Variants in PLXNA1 observed in about 807,000 individuals in gnomAD.
The protein encoded by PLXNA1 is plexin A1, also known as plexin-A1.
PLXNA1 carries 77 observed loss-of-function variants against 191.7 expected under a neutral mutation model. That is an observed-to-expected ratio of 0.40 (90% confidence interval 0.33 to 0.49). The LOEUF is 0.49. PLXNA1 is among the 20% of genes least tolerant of loss of function. The pLI is 0.63. For synonymous variants in PLXNA1, 1,137 were observed against 1,156.4 expected, an observed-to-expected ratio of 0.98 and a Z score of 0.34; for missense variants, 2,110 against 2,660.2, an observed-to-expected ratio of 0.79 and a Z score of 4.55.
intron 19 of PLXNA1, 105 bp downstream of exon 19, chr3:127,017,997 C>A: frequency 6.8e-7 from 1 of 1,472,130 alleles, no homozygotes. Context: ...AGACTCACCC[C>A]TAGCTCAGAG....
rs368450040 is a variant in PLXNA1, at chr3:127,033,999, G to T, written c.5673G>T (p.Thr1891=). ...LRSKLEQVVD[T]MALSS is the part of the protein sequence containing the mutation. ...GCAAGCTGGAGCAGGTGGTGGACACGATGGCCCTGAGCAGCTGAGCCCCAG... is the reference window on the plus strand; with the variant it reads ...GCAAGCTGGAGCAGGTGGTGGACACTATGGCCCTGAGCAGCTGAGCCCCAG... Residue 1891 remains threonine (T), a synonymous_variant, in exon 32 of 32, where the codon ACG becomes ACT. Transcript: ENST00000393409. 1.4e-5 allele frequency: 22 copies of T among 1,602,312 alleles called. No homozygotes were observed. The highest frequency in any genetic ancestry group is 2.2e-5 in the East Asian group (1 of 44,460).
In PLXNA1 at chr3:127,004,879, C is replaced by G; in HGVS notation, c.1620-6C>G. 1 of 1,586,060 alleles carries G rather than the reference C, an allele frequency of 6.3e-7. No individual in the cohort carries two copies. The highest frequency in any genetic ancestry group is 8.6e-7 in the Non-Finnish European group (1 of 1,164,024). On this transcript the variant is annotated splice_region_variant and splice_polypyrimidine_tract_variant and intron_variant, in intron 5 of 31. Coordinates refer to ENST00000393409, the MANE Select transcript of PLXNA1 (RefSeq NM_032242.4). ...ATCCGCCCAGCCTCAACCCCTCTGC[C>G]TGCAGCTGCTCGCGGCGGGACGCCT...
In PLXNA1 at chr3:127,014,255, C is replaced by T. The variant is rs747917966; in HGVS notation, c.2484C>T (p.Cys828=). The T allele has an allele frequency of 2.8e-5, 44 of 1,599,916 alleles. No homozygotes were observed. Among genetic ancestry groups the T allele is most frequent in the Middle Eastern group, 1.6e-4 (1 of 6,066 alleles). The stretch of plus-strand genomic sequence containing the variant: ...TCAAGGCCGACCCGCGCTTCGAGTG[C>T]GGATGGTGCGTGGCCGAGCGCCGCT... ...LCLKADPRFE[C]GWCVAERRCS... The change falls in exon 12 of 32, where the codon TGC becomes TGT. Residue 828 remains cysteine (C), a synonymous_variant. Coordinates refer to ENST00000393409, the MANE Select transcript of PLXNA1 (RefSeq NM_032242.4).
intron 17 of PLXNA1, 44 bp from the exon 18 acceptor site, chr3:127,017,381 C>G: frequency 6.3e-7 from 1 of 1,592,088 alleles, no homozygotes; most frequent in Non-Finnish European, 8.6e-7. Flanking sequence ...GCTGCCGGGC[C>G]ACTCGCGGAG....
chr3:127,022,275 A>T lies in PLXNA1; in HGVS notation c.4229A>T (p.Gln1410Leu). 2.5e-6 allele frequency: 4 copies of T among 1,613,506 alleles called. No homozygotes were observed. Among genetic ancestry groups the T allele is most frequent in the Non-Finnish European group, 3.4e-6 (4 of 1,179,916 alleles). ...GAATACGCCACAGGCGTGCTCAAGC[A>T]GCTGCTTTCCGACCTCATCGAGAAG... The part of the protein sequence containing the change: ...EMEYATGVLK[Q>L]LLSDLIEKNL... The change falls in exon 22 of 32, where the codon CAG becomes CTG. Residue 1410 changes from glutamine (Q) to leucine (L), a missense_variant. Around this residue, in one of 4 missense-constraint regions of PLXNA1, gnomAD observed 559 missense variants for 911.5 expected, o/e 0.61. Coordinates refer to ENST00000393409, the MANE Select transcript of PLXNA1 (RefSeq NM_032242.4).
chr3:127,030,731 A>G (rs1209628228), intron 29 of PLXNA1, among the ~76,000 whole-genome samples: 1 of 152,236 alleles, frequency 6.6e-6, no homozygotes, highest in East Asian at 1.9e-4. Flanking sequence ...AACAGGGCAC[A>G]GTGGACCAGC....
In PLXNA1 at chr3:127,036,205, C is replaced by T. The variant is rs892735972; in HGVS notation, c.*2188C>T. 3 of 152,734 alleles carry T rather than the reference C, an allele frequency of 2.0e-5. No individual in the cohort carries two copies. The highest frequency in any genetic ancestry group is 2.0e-4 in the Admixed American group (3 of 15,284). The allele number at this position is 152,734 out of a possible 1,614,324, so 9.5% of individuals were successfully genotyped here. A position where few individuals can be genotyped will look rare whatever the true frequency, so the allele number is the denominator to read the frequency against. Reference sequence around the variant, plus strand: ...CTGGATGCTGGCTTCAGGTTGAAGTCCCTGGTTCTTCCAGTTCCTCACGGG... The same window carrying T: ...CTGGATGCTGGCTTCAGGTTGAAGTTCCTGGTTCTTCCAGTTCCTCACGGG... On this transcript the variant is annotated 3_prime_UTR_variant, in exon 32 of 32. Coordinates refer to ENST00000393409, the MANE Select transcript of PLXNA1 (RefSeq NM_032242.4).
chr3:127,017,985 C>A, intron 19 of PLXNA1, 93 bp downstream of exon 19: 1 of 1,511,448 alleles, frequency 6.6e-7, no homozygotes, highest in East Asian at 2.4e-5. Context: ...TGACCTTGCC[C>A]GAGACTCACC....
intron 3 of PLXNA1, among the ~76,000 whole-genome samples, chr3:127,002,313 C>T (rs1272115018): frequency 6.6e-6 from 1 of 152,220 alleles, no homozygotes; most frequent in African/African-American, 2.4e-5. Context: ...GCCGGCGGCG[C>T]TCAGGAATGC....
chr3:127,018,663 G>A lies in PLXNA1; in HGVS notation c.3895+135G>A, dbSNP rs749226739. 313 of 736,284 alleles carry A rather than the reference G, an allele frequency of 4.3e-4. 1 individual carries two copies. The highest frequency in any genetic ancestry group is 1.0e-4 in the Admixed American group (4 of 39,302). The allele number at this position is 736,284 out of a possible 1,614,324, so 45.6% of individuals were successfully genotyped here. Reference sequence around the variant, plus strand: ...ACAATGTTCCTGATAGCCTTGCTGTGCCAGAGCTGGTCCCAGGGCAGTGGG... The same window carrying A: ...ACAATGTTCCTGATAGCCTTGCTGTACCAGAGCTGGTCCCAGGGCAGTGGG... On this transcript the variant is annotated intron_variant, in intron 20 of 31. Transcript: ENST00000393409.
chr3:127,015,305 C>T lies in PLXNA1; in HGVS notation c.2999C>T (p.Pro1000Leu), dbSNP rs749657923. Reference sequence around the variant, plus strand: ...GTGGCTGTGTCGGTCGGTGGCCGGCCCTGCTCCTTCTCCTGGTACGGGGTG... The same window carrying T: ...GTGGCTGTGTCGGTCGGTGGCCGGCTCTGCTCCTTCTCCTGGTACGGGGTG... ...SDVAVSVGGR[P>L]CSFSWRNSRE... The change falls in exon 15 of 32, where the codon CCC (proline) becomes CTC (leucine). Residue 1000 changes from proline (P) to leucine (L), a missense_variant. By Grantham distance (98) the Pro-to-Leu change is moderately conservative. This residue lies in a region of PLXNA1 where 644 missense variants were observed against 714.3 expected (regional missense o/e 0.90). Transcript: ENST00000393409. 6.2e-7 allele frequency: 1 copy of T among 1,607,834 alleles called. No homozygotes were observed. Among genetic ancestry groups the T allele is most frequent in the South Asian group, 1.1e-5 (1 of 90,872 alleles).
In PLXNA1 at chr3:127,029,442, G is replaced by A. The variant is rs2079194645; in HGVS notation, c.4776G>A (p.Val1592=). The change falls in exon 27 of 32, where the codon GTG becomes GTA. Residue 1592 remains valine, a splice_region_variant and synonymous_variant. Transcript: ENST00000393409. ...GGTCCCTGGCCCTCTGCCCACAGGT[G>A]ACAGACGGGTCCTCGGTGGCACTGG... ...KRLNTLAHYQ[V]TDGSSVALVP... The A allele has an allele frequency of 1.2e-6, 2 of 1,613,754 alleles. No homozygotes were observed. Among genetic ancestry groups the A allele is most frequent in the African/African-American group, 2.7e-5 (2 of 75,036 alleles).
intron 29 of PLXNA1, 66 bp downstream of exon 29, chr3:127,030,478 C>CGAGG: frequency 6.4e-7 from 1 of 1,568,526 alleles, no homozygotes; most frequent in Non-Finnish European, 8.7e-7. Flanking sequence ...CCAGGGCCCT[C>CGAGG]GCCCTGTTCT....
intron 10 of PLXNA1, among the ~76,000 whole-genome samples, 193 bp from the exon 11 acceptor site, chr3:127,013,827 A>G (rs979800659): frequency 7.2e-5 from 11 of 152,160 alleles, no homozygotes; most frequent in African/African-American, 2.4e-4. Context: ...GGCACCTCAT[A>G]TGGTTGCTAG....
In PLXNA1 at chr3:127,005,193, A is replaced by G; in HGVS notation, c.1847A>G (p.His616Arg). 1.9e-6 allele frequency: 3 copies of G among 1,612,054 alleles called. No homozygotes were observed. In the South Asian group the frequency reaches 3.3e-5, roughly 18 times the overall value. ...SESVLEDGRI[H>R]CRSPSAREVA... Reference sequence around the variant, plus strand: ...AGCGTCCTGGAGGATGGCCGGATCCACTGCCGCTCACCCTCCGCCCGGGAG... The same window carrying G: ...AGCGTCCTGGAGGATGGCCGGATCCGCTGCCGCTCACCCTCCGCCCGGGAG... The change falls in exon 7 of 32, where the codon CAC becomes CGC. Residue 616 changes from histidine (H) to arginine (R), a missense_variant. Transcript: ENST00000393409.
chr3:127,032,053 G>A, intron 29 of PLXNA1: 2 of 335,058 alleles, frequency 6.0e-6, no homozygotes, highest in Non-Finnish European at 1.1e-5. Context: ...AGCCATGAGT[G>A]CAAGCCAGCA....
intron 21 of PLXNA1, among the ~76,000 whole-genome samples, chr3:127,020,905 G>A (rs1431560326): frequency 6.6e-6 from 1 of 152,224 alleles, no homozygotes; most frequent in African/African-American, 2.4e-5. Context: ...AGAGAGTAGG[G>A]CTTTGCCCCG....
chr3:127,022,980 C>T (rs2079159294), intron 23 of PLXNA1, among the ~76,000 whole-genome samples, 162 bp downstream of exon 23: 2 of 152,230 alleles, frequency 1.3e-5, no homozygotes, highest in African/African-American at 4.8e-5. Flanking sequence ...CAGCCGCTCT[C>T]AGCTCCTGGC....
intron 21 of PLXNA1, 26 bp from the exon 22 acceptor site, chr3:127,022,059 G>T: frequency 6.2e-7 from 1 of 1,603,526 alleles, no homozygotes; most frequent in South Asian, 1.1e-5. Context: ...GCTTCTCTGT[G>T]GTCTGAGCTC....
Sources: allele counts gnomAD v4.1 joint callset (sites outside exome capture counted in the v4.1 genomes callset), GRCh38; gene constraint gnomAD v4.1.1; regional missense constraint gnomAD v4.1.1; transcripts MANE v1.5; gene names NCBI Gene and HGNC (gene_info 2026-07-23, HGNC 2026-07-21).